Variants in GTF2H1 observed in about 807,000 individuals in gnomAD.
The protein encoded by GTF2H1 is general transcription factor IIH subunit 1, also known as BTF2 p62.
A neutral mutation model predicts 71.2 loss-of-function variants in GTF2H1; 16 were observed. The ratio of observed to expected loss-of-function variants is 0.22; its 90% confidence interval spans 0.15 to 0.34. The LOEUF (loss-of-function observed/expected upper bound fraction) is 0.34. Ranked by LOEUF, GTF2H1 falls within the 10% of genes least tolerant of loss-of-function variation. GTF2H1 has a pLI of 1.00. For missense variants in GTF2H1, 498 were observed against 648.2 expected, an observed-to-expected ratio of 0.77 and a Z score of 2.52; for synonymous variants, 215 against 219.0, an observed-to-expected ratio of 0.98 and a Z score of 0.16.
chr11:18,323,507 G>A (rs1017757507), intron 1 of GTF2H1, among the ~76,000 whole-genome samples: 2 of 151,744 alleles, frequency 1.3e-5, no homozygotes, highest in African/African-American at 4.8e-5. Flanking sequence ...GATGGGGAAA[G>A]AAGATATGAA....
rs752530915 is a variant in GTF2H1 at position 18,338,093 on chromosome 11, A to G, written c.348-16A>G. 7 of 1,579,194 alleles carry G rather than the reference A, an allele frequency of 4.4e-6. No individual in the cohort carries two copies. Among genetic ancestry groups the G allele is most frequent in the African/African-American group, 2.7e-5 (2 of 74,284 alleles). On this transcript the variant is annotated splice_polypyrimidine_tract_variant and intron_variant, in intron 3 of 14. Transcript: ENST00000265963. ...TTCTAGAAGTTCAGTTATATTCAGT[A>G]TATTCTGCTTTACAGAATGCTGCAA...
chr11:18,349,105 G>T (rs1865369305), intron 9 of GTF2H1, among the ~76,000 whole-genome samples: 1 of 152,172 alleles, frequency 6.6e-6, no homozygotes, highest in African/African-American at 2.4e-5. Flanking sequence ...ATATTGGCCA[G>T]GCTGGTGTTG....
chr11:18,351,810 T>C lies in GTF2H1; in HGVS notation c.1054-71T>C, dbSNP rs1478304596. 8.4e-6 allele frequency: 7 copies of C among 831,546 alleles called. No homozygotes were observed. The East Asian group carries it at 1.7e-4, about 20-fold the overall frequency. 51.5% of individuals were successfully genotyped at this position (831,546 alleles called of 1,614,324 possible). ...ATTTTTTACCCTCTGTACAGTTTTG[T>C]TTTTTCAGTCATGTTTATTGTGTAA... On this transcript the variant is annotated intron_variant, in intron 9 of 14. Transcript: ENST00000265963.
intron 5 of GTF2H1, among the ~76,000 whole-genome samples, chr11:18,340,915 C>G (rs1343082558): frequency 6.6e-6 from 1 of 152,084 alleles, no homozygotes; most frequent in Non-Finnish European, 1.5e-5. Context: ...TCATTATTAC[C>G]CCACAAGCTA....
At chr11:18,333,581 A>G (rs962514500) in intron 2 of GTF2H1, 1 of 162,806 alleles carries the variant, frequency 6.1e-6, no homozygotes. Flanking sequence ...TTGCACTAAT[A>G]TCATTTCAAG....
At chr11:18,337,989 A>C in intron 3 of GTF2H1, 120 bp from the exon 4 acceptor site, 1 of 642,260 alleles carries the variant, frequency 1.6e-6, no homozygotes, top group South Asian at 2.2e-5. Context: ...TGCTGCTCAA[A>C]CATCACAAAA....
intron 4 of GTF2H1, 64 bp downstream of exon 4, chr11:18,338,338 C>T: frequency 1.0e-6 from 1 of 1,004,302 alleles, no homozygotes; most frequent in South Asian, 1.4e-5. Context: ...TGTCTTAAGA[C>T]CATTATTCCT....
chr11:18,360,523 G>A, intron 13 of GTF2H1, 92 bp from the exon 14 acceptor site: 1 of 617,698 alleles, frequency 1.6e-6, no homozygotes, highest in East Asian at 3.0e-5. Flanking sequence ...AATTCTACAA[G>A]AAAAGTAACT....
chr11:18,359,352 A>G (rs1865643846), intron 13 of GTF2H1, among the ~76,000 whole-genome samples: 1 of 152,212 alleles, frequency 6.6e-6, no homozygotes, highest in Admixed American at 6.5e-5. Context: ...ACCAGCCTGG[A>G]CAACATAGCA....
intron 9 of GTF2H1, chr11:18,351,651 T>C (rs1196172546): frequency 3.5e-6 from 1 of 289,450 alleles, no homozygotes; most frequent in Non-Finnish European, 6.5e-6. Flanking sequence ...TTGGCAAAAG[T>C]AAAAAGTTCA....
chr11:18,341,395 A>G lies in GTF2H1; in HGVS notation c.742A>G (p.Lys248Glu). 1 of 1,613,894 alleles carries G rather than the reference A, an allele frequency of 6.2e-7. No individual in the cohort carries two copies. The highest frequency in any genetic ancestry group is 8.5e-7 in the Non-Finnish European group (1 of 1,179,916). The change falls in exon 6 of 15, where the codon AAA becomes GAA. Residue 248 changes from lysine to glutamate, a missense_variant. Lys to Glu is a moderately conservative substitution (Grantham distance 56, BLOSUM62 1). Around this residue, in one of 3 missense-constraint regions of GTF2H1, gnomAD observed 216 missense variants for 306.2 expected, o/e 0.71. Transcript: ENST00000265963. ...GSKDLFAECA[K>E]IDEKGLKTMV... ...AAAGGATCTCTTTGCAGAATGTGCC[A>G]AAATAGATGAAAAAGGTAACTGTTT...
At chr11:18,346,673 CTT>C (rs1309661132) in intron 7 of GTF2H1, among the ~76,000 whole-genome samples, 8 of 148,156 alleles carry the variant, frequency 5.4e-5, no homozygotes, top group African/African-American at 7.5e-5. Context: ...GAATTTGACT[CTT>C]TATCTTTCTG....
rs1196506757 is a variant in GTF2H1 at position 18,341,310 on chromosome 11, A to G, written c.657A>G (p.Glu219=). 1.2e-6 allele frequency: 2 copies of G among 1,613,766 alleles called. No homozygotes were observed. The highest frequency in any genetic ancestry group is 1.7e-6 in the Non-Finnish European group (2 of 1,179,840). Residue 219 remains glutamate (E), a synonymous_variant, in exon 6 of 15, where the codon GAA becomes GAG. Coordinates refer to ENST00000265963, the MANE Select transcript of GTF2H1 (RefSeq NM_005316.4). ...TTCCCCACAACATGACAGAGAAGGAATTCTGGACACGTTTTTTCCAGTCCC... is the reference window on the plus strand; with the variant it reads ...TTCCCCACAACATGACAGAGAAGGAGTTCTGGACACGTTTTTTCCAGTCCC... The part of the protein sequence containing the change: ...ENVPHNMTEK[E]FWTRFFQSHY...
chr11:18,351,919 G>A lies in GTF2H1; in HGVS notation c.1092G>A (p.Gly364=). The change falls in exon 10 of 15, where the codon GGG becomes GGA. Residue 364 remains glycine, a synonymous_variant. Coordinates refer to ENST00000265963, the MANE Select transcript of GTF2H1 (RefSeq NM_005316.4). ...AGTCCATTGAATATGAAGACTTGGGGAAAAATAATTCTGTAAAAACGATTG... is the reference window on the plus strand; with the variant it reads ...AGTCCATTGAATATGAAGACTTGGGAAAAAATAATTCTGTAAAAACGATTG... The part of the protein sequence containing the change: ...LQESIEYEDL[G]KNNSVKTIAL... The A allele has an allele frequency of 6.3e-7, 1 of 1,599,010 alleles. No homozygotes were observed. The highest frequency in any genetic ancestry group is 1.1e-5 in the South Asian group (1 of 90,730).
intron 11 of GTF2H1, among the ~76,000 whole-genome samples, chr11:18,354,706 T>C (rs1442256577): frequency 6.6e-6 from 1 of 152,250 alleles, no homozygotes; most frequent in East Asian, 1.9e-4. Flanking sequence ...TCAGCTGACA[T>C]GAAAGGAAGA....
chr11:18,352,027 C>G (rs1865440325), intron 10 of GTF2H1, 58 bp downstream of exon 10: 1 of 856,906 alleles, frequency 1.2e-6, no homozygotes, highest in Non-Finnish European at 2.0e-6. Flanking sequence ...CAAAATATAT[C>G]CTACAAGTAT....
At chr11:18,346,369 T>C (rs1024542756) in intron 7 of GTF2H1, among the ~76,000 whole-genome samples, 4 of 152,138 alleles carry the variant, frequency 2.6e-5, no homozygotes, top group Admixed American at 6.5e-5. Flanking sequence ...CTCCCTGAAA[T>C]GTTATTGTCT....
At chr11:18,363,233 TAGG>T (rs1865747527) in intron 14 of GTF2H1, among the ~76,000 whole-genome samples, 1 of 152,168 alleles carries the variant, frequency 6.6e-6, no homozygotes, top group Non-Finnish European at 1.5e-5. Flanking sequence ...TATATATAAG[TAGG>T]AGTACACCGT....
chr11:18,331,254 C>T (rs1864888231), intron 1 of GTF2H1, among the ~76,000 whole-genome samples: 1 of 152,110 alleles, frequency 6.6e-6, no homozygotes, highest in South Asian at 2.1e-4. Context: ...ATGGGTTTCA[C>T]CATGTTGCCC....
Sources: gnomAD v4.1 joint callset for allele counts (sites outside exome capture counted in the v4.1 genomes callset) on GRCh38, gnomAD v4.1.1 for gene constraint, gnomAD v4.1.1 regional missense constraint, MANE v1.5 for transcripts, NCBI Gene and HGNC (gene_info 2026-07-23, HGNC 2026-07-21) for gene names.